SPPL2B: variants seen among roughly 807,000 people sequenced by gnomAD.
SPPL2B encodes the protein signal peptide peptidase like 2B.
SPPL2B carries 39 observed loss-of-function variants against 59.7 expected under a neutral mutation model. The observed-to-expected ratio is 0.65, with a 90% CI of 0.51 to 0.85. SPPL2B has a LOEUF of 0.85. SPPL2B is among the 40% of genes least tolerant of loss of function. The pLI, the probability that SPPL2B is intolerant of heterozygous loss-of-function variation, is 0.00. For synonymous variants in SPPL2B, 419 were observed against 370.8 expected (o/e 1.13, Z -1.49); for missense variants, 865 against 849.0 (o/e 1.02, Z -0.23).
rs1970044446 is a variant in SPPL2B at position 2,353,470 on chromosome 19, G to GAGGA, written c.*261_*262insAGGA. The GAGGA allele has an allele frequency of 1.9e-5, 10 of 526,360 alleles. No homozygotes were observed. The highest frequency in any genetic ancestry group is 6.1e-5 in the African/African-American group (3 of 49,342). 32.6% of individuals were successfully genotyped at this position (526,360 alleles called of 1,614,324 possible). Reference sequence around the variant, plus strand: ...CTCTGCGGGTCCATCCTCCCCACCGGGGTCCGTCCTCGCAGGCCCTGCCCG... The same window carrying GAGGA: ...CTCTGCGGGTCCATCCTCCCCACCGGAGGAGGTCCGTCCTCGCAGGCCCTGCCCG... On this transcript the variant is annotated 3_prime_UTR_variant, in exon 15 of 15. Coordinates refer to ENST00000613503, the MANE Select transcript of SPPL2B (RefSeq NM_152988.3).
At chr19:2,331,948 G>C (rs1968312636) in intron 1 of SPPL2B, among the ~76,000 whole-genome samples, 1 of 152,234 alleles carries the variant, frequency 6.6e-6, no homozygotes, top group Non-Finnish European at 1.5e-5. Flanking sequence ...CCTCTGCCGT[G>C]ACCCATAACA....
At chr19:2,330,712 T>C (rs1968242311) in intron 1 of SPPL2B, 1 of 151,316 alleles carries the variant, frequency 6.6e-6, no homozygotes, top group Non-Finnish European at 1.5e-5. Flanking sequence ...AGGCAGAGAG[T>C]GAAGGCAGAG....
intron 8 of SPPL2B, 74 bp from the exon 9 acceptor site, chr19:2,343,137 G>A: frequency 8.2e-7 from 1 of 1,220,684 alleles, no homozygotes; most frequent in Non-Finnish European, 1.2e-6. Flanking sequence ...AGGGCCCTGT[G>A]TGGCTCGTGG....
At chr19:2,328,942 C>T (rs1968136968) in intron 1 of SPPL2B, among the ~76,000 whole-genome samples, 167 bp downstream of exon 1, 1 of 152,188 alleles carries the variant, frequency 6.6e-6, no homozygotes, top group African/African-American at 2.4e-5. Context: ...CGGCCGTGAC[C>T]TTGCGGGTCT....
Position 2,330,964 on chromosome 19 carries a change from C to T in SPPL2B, c.66+2189C>T, listed in dbSNP as rs559469416. Among the ~76,000 whole-genome samples the T allele has an allele frequency of 1.8e-4, 28 of 152,284 alleles. No homozygotes were observed. In the East Asian group the frequency reaches 5.2e-3, roughly 28 times the overall value. On this transcript the variant is annotated intron_variant, in intron 1 of 14. Coordinates refer to ENST00000613503, the MANE Select transcript of SPPL2B (RefSeq NM_152988.3). ...GTCCCTGGAGGGGGGCAGTGCTTCG[C>T]GGCAGTGGAAATTTGAGTCCGATTG...
intron 2 of SPPL2B, 140 bp from the exon 3 acceptor site, chr19:2,337,303 C>T (rs1472457749): frequency 1.3e-6 from 1 of 758,520 alleles, no homozygotes. Context: ...ATGGCTCTGC[C>T]TAGGTGGGCC....
chr19:2,341,456 G>A, intron 8 of SPPL2B: 1 of 449,168 alleles, frequency 2.2e-6, no homozygotes, highest in Non-Finnish European at 4.5e-6. Context: ...TGGAGGTGGG[G>A]CAGGCACTGC....
At chr19:2,334,792 G>A (rs1364019357) in intron 2 of SPPL2B, 71 bp downstream of exon 2, 8 of 1,447,878 alleles carry the variant, frequency 5.5e-6, no homozygotes, top group Non-Finnish European at 7.3e-6. Context: ...AGACACATCC[G>A]GCTGGGGTTG....
Position 2,350,639 on chromosome 19 carries a change from A to G in SPPL2B, c.1355-795A>G, listed in dbSNP as rs146276682. Reference sequence around the variant, plus strand: ...GGAAAAGATTTGTGTTCTTATCTGTACTGAACACATGCAGATTTTTTGGGC... The same window carrying G: ...GGAAAAGATTTGTGTTCTTATCTGTGCTGAACACATGCAGATTTTTTGGGC... On this transcript the variant is annotated intron_variant, in intron 13 of 14. Coordinates refer to ENST00000613503, the MANE Select transcript of SPPL2B (RefSeq NM_152988.3). Among the ~76,000 whole-genome samples, 932 of 152,370 alleles carry G rather than the reference A, an allele frequency of 6.1e-3. 8 individuals carry two copies. Among genetic ancestry groups the G allele is most frequent in the Non-Finnish European group, 8.7e-3 (593 of 68,038 alleles).
chr19:2,333,221 A>G (rs1599196166), intron 1 of SPPL2B, among the ~76,000 whole-genome samples: 3 of 41,884 alleles, frequency 7.2e-5, no homozygotes, highest in African/African-American at 2.1e-4. Context: ...GAGCAGGAGG[A>G]GGGTGGGGAT....
At chr19:2,331,175 C>T (rs1968269419) in intron 1 of SPPL2B, among the ~76,000 whole-genome samples, 2 of 152,150 alleles carry the variant, frequency 1.3e-5, no homozygotes, top group Non-Finnish European at 2.9e-5. Context: ...CCTGGCTGGA[C>T]CCGGCCCGGC....
chr19:2,348,892 CCA>C (rs1416181914), intron 13 of SPPL2B, among the ~76,000 whole-genome samples: 2 of 119,674 alleles, frequency 1.7e-5, no homozygotes, highest in Non-Finnish European at 1.7e-5. Flanking sequence ...TTCTCTCTCT[CCA>C]CACACACTCA....
intron 13 of SPPL2B, among the ~76,000 whole-genome samples, chr19:2,348,244 C>G (rs1204974754): frequency 8.0e-6 from 1 of 125,036 alleles, no homozygotes; most frequent in Non-Finnish European, 1.7e-5. Context: ...ATTCCGTTCT[C>G]TCTCCACACA....
intron 1 of SPPL2B, among the ~76,000 whole-genome samples, chr19:2,329,361 C>G (rs1041610140): frequency 4.6e-5 from 7 of 152,194 alleles, no homozygotes; most frequent in African/African-American, 1.7e-4. Context: ...GAAGGAGGAC[C>G]GACTATGGTG....
intron 1 of SPPL2B, 53 bp downstream of exon 1, chr19:2,328,828 T>G: frequency 7.6e-7 from 1 of 1,317,260 alleles, no homozygotes; most frequent in South Asian, 2.0e-5. Flanking sequence ...CTTCGGCCTC[T>G]CTGTCCCCGG....
chr19:2,338,680 G>A (rs1011323953), intron 3 of SPPL2B, 72 bp from the exon 4 acceptor site: 41 of 1,073,312 alleles, frequency 3.8e-5, no homozygotes, highest in Admixed American at 3.7e-4. Context: ...GAGAGGAGGC[G>A]AATGGGCACA....
At chr19:2,330,424 G>T (rs2145134387) in intron 1 of SPPL2B, 1 of 152,484 alleles carries the variant, frequency 6.6e-6, no homozygotes, top group East Asian at 1.9e-4. Context: ...CCCGAGGCAG[G>T]TGTTCTGAAT....
intron 13 of SPPL2B, among the ~76,000 whole-genome samples, chr19:2,348,772 C>G (rs1231421065): frequency 9.9e-5 from 14 of 141,604 alleles, no homozygotes; most frequent in South Asian, 2.3e-4. Flanking sequence ...CTCACGCGCT[C>G]TCATTCGCTT....
intron 4 of SPPL2B, 65 bp downstream of exon 4, chr19:2,338,906 G>GC (rs1271114152): frequency 1.3e-6 from 2 of 1,552,732 alleles, no homozygotes; most frequent in African/African-American, 2.7e-5. Flanking sequence ...CGGGCTGGCT[G>GC]CCGGGGGGGT....
Sources: allele counts gnomAD v4.1 joint callset (sites outside exome capture counted in the v4.1 genomes callset), GRCh38; gene constraint gnomAD v4.1.1; transcripts MANE v1.5; gene names NCBI Gene and HGNC (gene_info 2026-07-23, HGNC 2026-07-21).